Variants in NRXN3 observed in about 807,000 individuals in gnomAD.
NRXN3 encodes the protein neurexin III.
In NRXN3, 32 loss-of-function variants were observed where a neutral mutation model predicts 137.6. The observed-to-expected ratio is 0.23, with a 90% CI of 0.18 to 0.31. The LOEUF (loss-of-function observed/expected upper bound fraction) is 0.31. Among genes scored for constraint, NRXN3 ranks in the 10% least tolerant of loss-of-function variants. The probability of loss-of-function intolerance (pLI) is 1.00; values close to 1 mark genes in which losing one functional copy is unlikely to be tolerated. For synonymous variants in NRXN3, 798 were observed against 784.5 expected (o/e 1.02, Z -0.29); for missense variants, 1,574 against 2,062.5 (o/e 0.76, Z 4.59).
At chr14:79,391,676 A>G (rs763033911) in intron 15 of NRXN3, among the ~76,000 whole-genome samples, 2 of 152,216 alleles carry the variant, frequency 1.3e-5, no homozygotes, top group Non-Finnish European at 2.9e-5. Flanking sequence ...AGAATGGCCA[A>G]ATACATTGGG....
intron 19 of NRXN3, among the ~76,000 whole-genome samples, chr14:79,773,633 TG>T (rs1254248106): frequency 1.8e-5 from 1 of 55,218 alleles, no homozygotes; most frequent in Non-Finnish European, 3.2e-5. Flanking sequence ...TGTTTTGGGG[TG>T]GGGGGAGGGG....
rs555135578 is a variant in NRXN3, at chr14:78,881,923, G to A, written c.2275+71579G>A. ...TCCCATCACAAACCTGGAGGCCTAG[G>A]AGGGAAAAATGGTTTCCTGGGCCAG... On this transcript the variant is annotated intron_variant, in intron 10 of 20. Transcript: ENST00000335750. Among the ~76,000 whole-genome samples, 64 of 151,772 alleles carry A rather than the reference G, an allele frequency of 4.2e-4. 3 individuals are homozygous for A. The highest frequency in any genetic ancestry group is 1.5e-3 in the African/African-American group (61 of 41,070).
At chr14:78,344,956 G>A (rs190190244) in intron 4 of NRXN3, among the ~76,000 whole-genome samples, 24 of 152,282 alleles carry the variant, frequency 1.6e-4, no homozygotes, top group Admixed American at 1.2e-3. Context: ...GGTTTAGAAA[G>A]CCTGGTTCCA....
chr14:79,381,003 A>G (rs2094454888), intron 15 of NRXN3, among the ~76,000 whole-genome samples: 1 of 152,126 alleles, frequency 6.6e-6, no homozygotes, highest in Non-Finnish European at 1.5e-5. Flanking sequence ...CACCTTGGAC[A>G]GAGAGACAGG....
At chr14:79,412,229 A>G (rs757940655) in intron 15 of NRXN3, among the ~76,000 whole-genome samples, 10 of 152,120 alleles carry the variant, frequency 6.6e-5, no homozygotes, top group Admixed American at 1.3e-4. Flanking sequence ...GTGTGCCTAA[A>G]TATCTTCACC....
At chr14:79,334,742 G>C (rs2092109781) in intron 15 of NRXN3, among the ~76,000 whole-genome samples, 1 of 152,154 alleles carries the variant, frequency 6.6e-6, no homozygotes, top group African/African-American at 2.4e-5. Flanking sequence ...GTAGTGGCAA[G>C]CGTGCTACAT....
intron 16 of NRXN3, among the ~76,000 whole-genome samples, chr14:79,593,518 G>A (rs998344175): frequency 1.3e-5 from 2 of 151,118 alleles, no homozygotes; most frequent in East Asian, 2.0e-4. Context: ...GTAGTCCCAG[G>A]TACTCGGGAG....
chr14:78,684,716 C>G (rs866590326), intron 6 of NRXN3, among the ~76,000 whole-genome samples: 1 of 152,118 alleles, frequency 6.6e-6, no homozygotes, highest in African/African-American at 2.4e-5. Context: ...GTCCATTGAG[C>G]CCACAAGTTC....
intron 4 of NRXN3, among the ~76,000 whole-genome samples, chr14:78,556,207 C>T (rs1231510935): frequency 6.6e-6 from 1 of 152,200 alleles, no homozygotes; most frequent in South Asian, 2.1e-4. Context: ...TCCCCCACCC[C>T]TACTCCAGTC....
chr14:79,557,565 G>C (rs573017035), intron 16 of NRXN3, among the ~76,000 whole-genome samples: 6 of 152,096 alleles, frequency 3.9e-5, no homozygotes, highest in Non-Finnish European at 8.8e-5. Flanking sequence ...TAAAATTTAC[G>C]TTGACATTCT....
At chr14:79,637,726 G>GTTTTTTTTTTT (rs1447669099) in intron 16 of NRXN3, among the ~76,000 whole-genome samples, 33 of 92,970 alleles carry the variant, frequency 3.5e-4, no homozygotes, top group African/African-American at 2.1e-3. Context: ...ATATAGAAAA[G>GTTTTTTTTTTT]TTCTTTTTTT....
chr14:78,596,580 G>T (rs927238808), intron 4 of NRXN3, among the ~76,000 whole-genome samples: 2 of 151,806 alleles, frequency 1.3e-5, no homozygotes, highest in Admixed American at 1.3e-4. Flanking sequence ...TCATCATTCT[G>T]CCCCTGACAA....
intron 16 of NRXN3, among the ~76,000 whole-genome samples, chr14:79,531,256 T>C (rs543089249): frequency 6.6e-6 from 1 of 152,328 alleles, no homozygotes; most frequent in Admixed American, 6.5e-5. Context: ...ATGTGATCTC[T>C]AAGAAGTCTA....
intron 15 of NRXN3, among the ~76,000 whole-genome samples, chr14:79,215,294 T>C (rs77597067): frequency 0.028 from 4,281 of 152,304 alleles, 144 homozygotes; most frequent in East Asian, 0.099. Flanking sequence ...TTTTTTATAA[T>C]ATTTGCAGCT....
chr14:79,235,460 GAC>G (rs1316888169), intron 15 of NRXN3, among the ~76,000 whole-genome samples: 1 of 152,126 alleles, frequency 6.6e-6, no homozygotes, highest in Non-Finnish European at 1.5e-5. Flanking sequence ...GCCTCCTAGT[GAC>G]TTGAAAGAAG....
intron 15 of NRXN3, among the ~76,000 whole-genome samples, chr14:79,441,176 A>C (rs968812612): frequency 3.9e-5 from 6 of 152,108 alleles, no homozygotes; most frequent in African/African-American, 1.4e-4. Flanking sequence ...GTTTTGAACA[A>C]AGAGCACAGT....
chr14:78,574,925 G>A (rs2096922625), intron 4 of NRXN3, among the ~76,000 whole-genome samples: 1 of 152,100 alleles, frequency 6.6e-6, no homozygotes, highest in Admixed American at 6.5e-5. Context: ...TGCCTCTGGG[G>A]CCCCACCCAA....
At chr14:78,556,826 T>TAA (rs147400491) in intron 4 of NRXN3, among the ~76,000 whole-genome samples, 2 of 148,430 alleles carry the variant, frequency 1.3e-5, no homozygotes, top group South Asian at 2.2e-4. Context: ...CAGTTGATGG[T>TAA]AAAAAAAAAA....
chr14:79,255,224 C>T lies in NRXN3; in HGVS notation c.3263-211997C>T, dbSNP rs1039044501. Among the ~76,000 whole-genome samples the T allele has an allele frequency of 3.3e-5, 5 of 152,336 alleles. No individual in the cohort carries two copies. In the East Asian group the frequency reaches 9.6e-4, roughly 29 times the overall value. ...CAGGAGTGGCCCAGGCCATCTGGTTCCACTGTTTGCAAGCCTCCATAGTGC... is the reference window on the plus strand; with the variant it reads ...CAGGAGTGGCCCAGGCCATCTGGTTTCACTGTTTGCAAGCCTCCATAGTGC... On this transcript the variant is annotated intron_variant, in intron 15 of 20. Coordinates refer to ENST00000335750, the MANE Select transcript of NRXN3 (RefSeq NM_001330195.2).
Sources: allele counts gnomAD v4.1 joint callset (sites outside exome capture counted in the v4.1 genomes callset), GRCh38; gene constraint gnomAD v4.1.1; transcripts MANE v1.5; gene names NCBI Gene and HGNC (gene_info 2026-07-23, HGNC 2026-07-21).